Variants in TGFB3 observed in about 807,000 individuals in gnomAD.
TGFB3 encodes the protein transforming growth factor beta 3.
A neutral mutation model predicts 40.1 loss-of-function variants in TGFB3; 5 were observed. The observed-to-expected ratio is 0.12, with a 90% CI of 0.07 to 0.26. The LOEUF is 0.26. TGFB3 is among the 10% of genes least tolerant of loss of function. The pLI is 1.00. For synonymous variants in TGFB3, 184 were observed against 205.6 expected, an observed-to-expected ratio of 0.89 and a Z score of 0.90; for missense variants, 373 against 530.1, an observed-to-expected ratio of 0.70 and a Z score of 2.91.
intron 1 of TGFB3, among the ~76,000 whole-genome samples, chr14:75,976,853 A>G (rs1024643998): frequency 6.6e-6 from 1 of 152,180 alleles, no homozygotes; most frequent in African/African-American, 2.4e-5. Context: ...TGTGTTTGCC[A>G]TCCCTCTAAG....
At position 75,958,414 on chromosome 14, in the gene TGFB3, G is replaced by A. The variant is rs2035112349; in HGVS notation, c.*773C>T. On this transcript the variant is annotated 3_prime_UTR_variant, in exon 7 of 7. Coordinates refer to ENST00000238682, the MANE Select transcript of TGFB3 (RefSeq NM_003239.5). ...ATCCAGAAATGTGCATCCTGACCTG[G>A]AAGGCGTCTAACCAAGTGTCCAAGG... 5.2e-5 allele frequency: 8 copies of A among 153,172 alleles called. 2 individuals are homozygous for A. The Middle Eastern group carries it at 0.024, about 456-fold the overall frequency. 9.5% of individuals were successfully genotyped at this position (153,172 alleles called of 1,614,324 possible). A position where few individuals can be genotyped will look rare whatever the true frequency, so the allele number is the denominator to read the frequency against.
intron 1 of TGFB3, among the ~76,000 whole-genome samples, chr14:75,972,272 G>C (rs751832220): frequency 6.6e-6 from 1 of 152,166 alleles, no homozygotes; most frequent in African/African-American, 2.4e-5. Flanking sequence ...TTATTGGAAC[G>C]CTAAGCATGT....
chr14:75,962,203 T>C (rs536623626), intron 5 of TGFB3, among the ~76,000 whole-genome samples: 1 of 152,306 alleles, frequency 6.6e-6, no homozygotes, highest in South Asian at 2.1e-4. Context: ...TACAGGCCTC[T>C]TGTGAACAAG....
rs546744152 is a variant in TGFB3, at chr14:75,971,617, G to A, written c.454C>T (p.Arg152Trp). ...NRTNLFRAEFRVLRVPNPSSK... is the reference protein window; with the variant it reads ...NRTNLFRAEFWVLRVPNPSSK... Reference sequence around the variant, plus strand: ...CTGGGGTTGGGCACCCGCAAGACCCGGAATTCTGCTCGGAATAGGTTGGTT... The same window carrying A: ...CTGGGGTTGGGCACCCGCAAGACCCAGAATTCTGCTCGGAATAGGTTGGTT... Residue 152 changes from arginine to tryptophan, a missense_variant, in exon 2 of 7, where the codon CGG becomes TGG. Arg to Trp is a moderately radical substitution (Grantham distance 101, BLOSUM62 -3). Transcript: ENST00000238682. The surrounding 1 kb of genome is among the most constrained non-coding windows in gnomAD (Gnocchi z 4.5). 8.7e-6 allele frequency: 14 copies of A among 1,614,214 alleles called. No individual in the cohort carries two copies. Among genetic ancestry groups the A allele is most frequent in the East Asian group, 2.2e-5 (1 of 44,892 alleles).
intron 5 of TGFB3, among the ~76,000 whole-genome samples, chr14:75,961,587 A>G (rs2140236615): frequency 6.6e-6 from 1 of 152,360 alleles, no homozygotes; most frequent in East Asian, 1.9e-4. Flanking sequence ...CAGATCACCC[A>G]AATGTGATTA....
In TGFB3 at chr14:75,980,729, G is replaced by A. The variant is rs1362724996; in HGVS notation, c.165C>T (p.Ser55=). ...GGGTCATCACCGTTGGCTCAGGGGG[G>A]CTGGTGAGCCTGAGCTTGCTCAAGA... ...GQILSKLRLT[S]PPEPTVMTHV... The change falls in exon 1 of 7, where the codon AGC becomes AGT. Residue 55 remains serine (S), a synonymous_variant. Transcript: ENST00000238682. This position sits in a 1 kb window ranked among gnomAD's most constrained non-coding sequence, Gnocchi z 4.3. The A allele has an allele frequency of 1.2e-6, 2 of 1,614,228 alleles. No homozygotes were observed. The highest frequency in any genetic ancestry group is 1.7e-6 in the Non-Finnish European group (2 of 1,180,050).
At chr14:75,963,031 C>T in intron 5 of TGFB3, 1 of 533,028 alleles carries the variant, frequency 1.9e-6, no homozygotes, top group South Asian at 2.0e-5. Flanking sequence ...CAAGCCTCTC[C>T]AATCCAAACT....
rs1257652990 is a variant in TGFB3 at position 75,978,883 on chromosome 14, G to T, written c.352+1659C>A. On this transcript the variant is annotated intron_variant, in intron 1 of 6. Transcript: ENST00000238682. This position sits in a 1 kb window ranked among gnomAD's most constrained non-coding sequence, Gnocchi z 5.0. The stretch of plus-strand genomic sequence containing the variant: ...CCTCCTGCTGACCCAGACCATGAAG[G>T]TCTGAGTCCTGCCCTCTTGCCCTGG... Among the ~76,000 whole-genome samples, 1 of 152,118 alleles carries T rather than the reference G, an allele frequency of 6.6e-6. No individual in the cohort carries two copies. The highest frequency in any genetic ancestry group is 1.5e-5 in the Non-Finnish European group (1 of 68,008).
At chr14:75,969,116 A>G (rs2035256259) in intron 3 of TGFB3, among the ~76,000 whole-genome samples, 1 of 152,216 alleles carries the variant, frequency 6.6e-6, no homozygotes, top group South Asian at 2.1e-4. Flanking sequence ...TAAAACACCC[A>G]AAACTGTTGA....
chr14:75,971,191 C>T lies in TGFB3; in HGVS notation c.581G>A (p.Arg194Gln), dbSNP rs760707107. Reference protein sequence around the residue: ...RYIGGKNLPTRGTAEWLSFDV... With the variant: ...RYIGGKNLPTQGTAEWLSFDV... ...AAAGGACAGCCACTCGGCAGTGCCC[C>T]GTGTGGGCAGATTCTTGCCACCGAT... Residue 194 changes from arginine (R) to glutamine (Q), a missense_variant, in exon 3 of 7, where the codon CGG becomes CAG. Coordinates refer to ENST00000238682, the MANE Select transcript of TGFB3 (RefSeq NM_003239.5). This position sits in a 1 kb window ranked among gnomAD's most constrained non-coding sequence, Gnocchi z 4.5. 11 of 1,614,002 alleles carry T rather than the reference C, an allele frequency of 6.8e-6. No homozygotes were observed. The highest frequency in any genetic ancestry group is 2.2e-5 in the East Asian group (1 of 44,890).
chr14:75,975,403 T>C (rs567758161), intron 1 of TGFB3, among the ~76,000 whole-genome samples: 63 of 151,836 alleles, frequency 4.1e-4, no homozygotes, highest in African/African-American at 1.5e-3. Flanking sequence ...AAAAAAGAAT[T>C]GCCTGGGAGA....
Position 75,959,371 on chromosome 14 carries a change from G to C in TGFB3, c.1081-26C>G, listed in dbSNP as rs375720389. The C allele has an allele frequency of 2.4e-5, 38 of 1,613,480 alleles. No individual in the cohort carries two copies. In the African/African-American group the frequency reaches 4.0e-4, roughly 17 times the overall value. ...CTGGGAAGGGACATGTCAGTGAGAG[G>C]TTGGAAGGCCAAGTCTCAGGCCTGG... On this transcript the variant is annotated intron_variant, in intron 6 of 6. Coordinates refer to ENST00000238682, the MANE Select transcript of TGFB3 (RefSeq NM_003239.5).
rs374932970 is a variant in TGFB3 at position 75,963,299 on chromosome 14, T to C, written c.926+17A>G. 4.6e-5 allele frequency: 75 copies of C among 1,613,828 alleles called. 1 individual carries two copies. The highest frequency in any genetic ancestry group is 6.2e-5 in the Non-Finnish European group (73 of 1,179,936). ...GGCAGGCAGTAGATGTTGGTTCCCATGTGGGCCCAGTCTCACCGGAAGCAG... is the reference window on the plus strand; with the variant it reads ...GGCAGGCAGTAGATGTTGGTTCCCACGTGGGCCCAGTCTCACCGGAAGCAG... On this transcript the variant is annotated intron_variant, in intron 5 of 6. Transcript: ENST00000238682.
chr14:75,961,284 A>G (rs1406140964), intron 5 of TGFB3, among the ~76,000 whole-genome samples: 1 of 152,220 alleles, frequency 6.6e-6, no homozygotes, highest in Admixed American at 6.5e-5. Context: ...TGTAAGAAAC[A>G]GAGATAAATG....
At chr14:75,960,313 C>G (rs1006440716) in intron 6 of TGFB3, 3 of 155,798 alleles carry the variant, frequency 1.9e-5, no homozygotes, top group African/African-American at 7.2e-5. Flanking sequence ...GAGAAATGTT[C>G]TCACAAAACA....
In TGFB3 at chr14:75,959,146, G is replaced by A. The variant is rs373517179; in HGVS notation, c.*41C>T. 3.1e-6 allele frequency: 5 copies of A among 1,613,630 alleles called. No individual in the cohort carries two copies. Among genetic ancestry groups the A allele is most frequent in the Non-Finnish European group, 4.2e-6 (5 of 1,179,590 alleles). On this transcript the variant is annotated 3_prime_UTR_variant, in exon 7 of 7. Coordinates refer to ENST00000238682, the MANE Select transcript of TGFB3 (RefSeq NM_003239.5). ...TTCCCGAGGAGCGGGCAGTCAGGCA[G>A]TGGTGGTTCTCTCTCCCCTCTCTCT...
Position 75,963,470 on chromosome 14 carries a change from C to A in TGFB3, c.772G>T (p.Asp258Tyr). ...CGCCCCAGATCTCCACGGCCATGGT[C>A]ATCCTCATTGTCCACGCCTGAAGAA... ...IKFKGVDNED[D>Y]HGRGDLGRLK... The change falls in exon 5 of 7, where the codon GAC becomes TAC. Residue 258 changes from aspartate to tyrosine, a missense_variant. Transcript: ENST00000238682. The A allele has an allele frequency of 6.2e-7, 1 of 1,614,198 alleles. No individual in the cohort carries two copies. The highest frequency in any genetic ancestry group is 1.1e-5 in the South Asian group (1 of 91,086).
rs913784273 is a variant in TGFB3, at chr14:75,971,910, G to A, written c.353-192C>T. ...AGAATCACACACAGTCCTGAGCAAG[G>A]AGCAGTGTGGCCTCAGAGCTCCACA... is the stretch of plus-strand genomic sequence containing the variant. On this transcript the variant is annotated intron_variant, in intron 1 of 6. Coordinates refer to ENST00000238682, the MANE Select transcript of TGFB3 (RefSeq NM_003239.5). This position sits in a 1 kb window ranked among gnomAD's most constrained non-coding sequence, Gnocchi z 4.5. Among the ~76,000 whole-genome samples the A allele has an allele frequency of 2.6e-5, 4 of 152,210 alleles. No homozygotes were observed. The highest frequency in any genetic ancestry group is 6.5e-5 in the Admixed American group (1 of 15,286).
At chr14:75,962,683 C>T (rs1168168440) in intron 5 of TGFB3, among the ~76,000 whole-genome samples, 1 of 152,196 alleles carries the variant, frequency 6.6e-6, no homozygotes. Flanking sequence ...CCTTCGGACC[C>T]TCTCATGGGC....
Sources: allele counts gnomAD v4.1 joint callset (sites outside exome capture counted in the v4.1 genomes callset), GRCh38; gene constraint gnomAD v4.1.1; non-coding constraint Gnocchi (gnomAD v3.1); transcripts MANE v1.5; gene names NCBI Gene and HGNC (gene_info 2026-07-23, HGNC 2026-07-21).